Variants in BIRC6 observed in about 807,000 individuals in gnomAD.
BIRC6 encodes the protein baculoviral IAP repeat containing 6, also known as dual E2 ubiquitin-conjugating enzyme/E3 ubiquitin-protein ligase BIRC6.
In BIRC6, 98 loss-of-function variants were observed where a neutral mutation model predicts 503.3. The observed-to-expected ratio is 0.19, with a 90% CI of 0.17 to 0.23. The LOEUF is 0.23. Among genes scored for constraint, BIRC6 ranks in the 10% least tolerant of loss-of-function variants. The probability of loss-of-function intolerance (pLI) is 1.00; values close to 1 mark genes in which losing one functional copy is unlikely to be tolerated. For synonymous variants in BIRC6, 2,240 were observed against 2,078.7 expected, an observed-to-expected ratio of 1.08 and a Z score of -2.11; for missense variants, 5,360 against 5,806.0, an observed-to-expected ratio of 0.92 and a Z score of 2.50.
intron 23 of BIRC6, among the ~76,000 whole-genome samples, chr2:32,458,566 C>T (rs1441294402): frequency 2.6e-5 from 4 of 151,472 alleles, no homozygotes; most frequent in Non-Finnish European, 5.9e-5. Flanking sequence ...TATGGGAAAA[C>T]TACTCTGCTC....
At chr2:32,444,592 A>G (rs539302082) in intron 20 of BIRC6, among the ~76,000 whole-genome samples, 1 of 152,314 alleles carries the variant, frequency 6.6e-6, no homozygotes, top group Admixed American at 6.5e-5. Context: ...TTATTAAAAA[A>G]CAAACCATTC....
At chr2:32,521,478 GTT>G (rs1481101311) in intron 57 of BIRC6, among the ~76,000 whole-genome samples, 1 of 133,202 alleles carries the variant, frequency 7.5e-6, no homozygotes, top group African/African-American at 2.8e-5. Flanking sequence ...TTTGTTTTTT[GTT>G]TTTTGTTTTG....
At chr2:32,553,570 A>G (rs909467733) in intron 65 of BIRC6, among the ~76,000 whole-genome samples, 13 of 151,732 alleles carry the variant, frequency 8.6e-5, no homozygotes, top group Middle Eastern at 3.2e-3. Context: ...TTGTATTTTG[A>G]GTAAAGACAG....
chr2:32,537,685 G>A (rs1320397475), intron 61 of BIRC6, among the ~76,000 whole-genome samples: 1 of 152,118 alleles, frequency 6.6e-6, no homozygotes, highest in Non-Finnish European at 1.5e-5. Flanking sequence ...CAATTATTTA[G>A]GCCGGGCGCA....
At position 32,439,659 on chromosome 2, in the gene BIRC6, A is replaced by T; in HGVS notation, c.3783A>T (p.Ser1261=). The T allele has an allele frequency of 6.2e-7, 1 of 1,613,780 alleles. No individual in the cohort carries two copies. Among genetic ancestry groups the T allele is most frequent in the Non-Finnish European group, 8.5e-7 (1 of 1,179,818 alleles). The change falls in exon 16 of 74, where the codon TCA becomes TCT. Residue 1261 remains serine, a synonymous_variant. Coordinates refer to ENST00000421745, the MANE Select transcript of BIRC6 (RefSeq NM_016252.4). ...HQSNKGYSLA[S]LLAKVAAGKE... ...GTAACAAGGGTTATTCACTTGCTTC[A>T]CTTTTGGCTAAAGTTGCAGCAGGCA... is the stretch of plus-strand genomic sequence containing the variant.
chr2:32,449,016 T>C, intron 22 of BIRC6, 88 bp downstream of exon 22: 4 of 1,324,194 alleles, frequency 3.0e-6, no homozygotes, highest in Non-Finnish European at 4.1e-6. Context: ...AGTCATGATG[T>C]TTTGTCTTTA....
At chr2:32,473,636 C>T (rs2149043292) in intron 33 of BIRC6, among the ~76,000 whole-genome samples, 1 of 150,716 alleles carries the variant, frequency 6.6e-6, no homozygotes, top group South Asian at 2.1e-4. Context: ...GGGTATTCAT[C>T]TTCTGCCCCT....
chr2:32,475,760 C>G (rs1572489407), intron 33 of BIRC6, among the ~76,000 whole-genome samples: 1 of 151,944 alleles, frequency 6.6e-6, no homozygotes, highest in African/African-American at 2.4e-5. Context: ...TCTTAAGCTA[C>G]ATTGTAGCAA....
intron 61 of BIRC6, among the ~76,000 whole-genome samples, chr2:32,537,600 G>A (rs1319625118): frequency 6.6e-6 from 1 of 152,116 alleles, no homozygotes; most frequent in Non-Finnish European, 1.5e-5. Flanking sequence ...AATCAGTGAT[G>A]GCAGAATAAA....
chr2:32,401,505 G>T lies in BIRC6; in HGVS notation c.1300G>T (p.Val434Leu). 2 of 1,613,994 alleles carry T rather than the reference G, an allele frequency of 1.2e-6. No homozygotes were observed. Among genetic ancestry groups the T allele is most frequent in the Non-Finnish European group, 1.7e-6 (2 of 1,179,886 alleles). ...AATTAATGCCTATGATCCAGCAATT[G>T]TACAACAGCTTATTCTATCAGGAGA... ...FEINAYDPAI[V>L]QQLILSGDPS... The change falls in exon 8 of 74, where the codon GTA (valine) becomes TTA (leucine). Residue 434 changes from valine (V) to leucine (L), a missense_variant. By Grantham distance (32) the Val-to-Leu change is conservative. Around this residue, in one of 16 missense-constraint regions of BIRC6, gnomAD observed 700 missense variants for 739.3 expected, o/e 0.95. Transcript: ENST00000421745.
At chr2:32,520,883 A>G (rs187386668) in intron 57 of BIRC6, among the ~76,000 whole-genome samples, 60 of 152,300 alleles carry the variant, frequency 3.9e-4, no homozygotes, top group Non-Finnish European at 7.9e-4. Context: ...AGTTATTGAT[A>G]TTGATATTTC....
At chr2:32,440,143 G>A (rs936757813) in intron 16 of BIRC6, among the ~76,000 whole-genome samples, 1 of 152,212 alleles carries the variant, frequency 6.6e-6, no homozygotes, top group Admixed American at 6.5e-5. Flanking sequence ...CTCTCAAAGT[G>A]CTGGGGTTAC....
At position 32,515,633 on chromosome 2, in the gene BIRC6, G is replaced by T; in HGVS notation, c.11212G>T (p.Ala3738Ser). ...SHNLGAQQTS[A>S]RSASLSSAAT... ...TAATTTAGGTGCACAACAGACCAGT[G>T]CAAGATCAGCTTCTCTTTCTTCAGC... Residue 3738 changes from alanine to serine, a missense_variant, in exon 55 of 74, where the codon GCA (alanine) becomes TCA (serine). Physicochemically the swap from Ala to Ser is moderately conservative, Grantham distance 99. Coordinates refer to ENST00000421745, the MANE Select transcript of BIRC6 (RefSeq NM_016252.4). 6.2e-7 allele frequency: 1 copy of T among 1,612,716 alleles called. No individual in the cohort carries two copies. The highest frequency in any genetic ancestry group is 8.5e-7 in the Non-Finnish European group (1 of 1,179,880).
chr2:32,496,065 T>C (rs2052428292), intron 45 of BIRC6, among the ~76,000 whole-genome samples: 1 of 152,018 alleles, frequency 6.6e-6, no homozygotes. Flanking sequence ...ATGGTCTTGA[T>C]CTCCTGACCT....
intron 72 of BIRC6, among the ~76,000 whole-genome samples, 161 bp downstream of exon 72, chr2:32,607,804 C>T (rs1008447730): frequency 2.6e-5 from 4 of 151,140 alleles, no homozygotes; most frequent in African/African-American, 7.3e-5. Flanking sequence ...ATGGCGAAAC[C>T]GCATTTCTAC....
chr2:32,357,253 C>A lies in BIRC6; in HGVS notation c.92C>A (p.Ala31Asp). The A allele has an allele frequency of 6.6e-7, 1 of 1,522,592 alleles. No individual in the cohort carries two copies. The allele number at this position is 1,522,592 out of a possible 1,614,324, so 94.3% of individuals were successfully genotyped here. The change falls in exon 1 of 74, where the codon GCT becomes GAT. Residue 31 changes from alanine to aspartate, a missense_variant. By Grantham distance (126) the Ala-to-Asp change is moderately radical. Around this residue, in one of 16 missense-constraint regions of BIRC6, gnomAD observed 145 missense variants for 106.9 expected, o/e 1.36. Transcript: ENST00000421745. The surrounding 1 kb of genome is among the most constrained non-coding windows in gnomAD (Gnocchi z 4.9). ...CTGAGCGCAGGCCGGAAGATGGCGG[C>A]TGCGGCTGCGGCGGCCTCGGGCCCC... ...IVLSAGRKMA[A>D]AAAAASGPGC...
In BIRC6 at chr2:32,515,785, T is replaced by C. The variant is rs1181239454; in HGVS notation, c.11349+15T>C. On this transcript the variant is annotated intron_variant, in intron 55 of 73. Transcript: ENST00000421745. ...TGATGGCACAGGTAAGACAAAAAAA[T>C]AACTTACATTTTAGTTGTTTTATTA... The C allele has an allele frequency of 6.4e-7, 1 of 1,573,434 alleles. No homozygotes were observed.
intron 45 of BIRC6, among the ~76,000 whole-genome samples, chr2:32,496,883 T>C (rs1412203316): frequency 6.6e-6 from 1 of 152,208 alleles, no homozygotes; most frequent in Non-Finnish European, 1.5e-5. Flanking sequence ...CCCCATCCAG[T>C]TGTACTCGTT....
At chr2:32,369,681 G>C (rs567885873) in intron 1 of BIRC6, among the ~76,000 whole-genome samples, 10 of 151,794 alleles carry the variant, frequency 6.6e-5, no homozygotes, top group African/African-American at 2.2e-4. Flanking sequence ...GCCCACCTCA[G>C]CTTCCCAAAG....
Sources: allele counts gnomAD v4.1 joint callset (sites outside exome capture counted in the v4.1 genomes callset), GRCh38; gene constraint gnomAD v4.1.1; regional missense constraint gnomAD v4.1.1; non-coding constraint Gnocchi (gnomAD v3.1); transcripts MANE v1.5; gene names NCBI Gene and HGNC (gene_info 2026-07-23, HGNC 2026-07-21).